BRAT1: variants seen among roughly 807,000 people sequenced by gnomAD.
The protein encoded by BRAT1 is BRCA1 associated ATM activator 1.
Under a neutral mutation model 70.6 loss-of-function variants are expected in BRAT1, and 74 were observed. That is an observed-to-expected ratio of 1.05 (90% confidence interval 0.87 to 1.27). The LOEUF is 1.27. Among genes scored for constraint, BRAT1 ranks in the 50% most tolerant of loss-of-function variants. The pLI is 0.00. For missense variants in BRAT1, 1,203 were observed against 1,098.2 expected (o/e 1.10, Z -1.35); for synonymous variants, 615 against 517.1 (o/e 1.19, Z -2.57).
In BRAT1 at chr7:2,539,262, C is replaced by A; in HGVS notation, c.1687G>T (p.Ala563Ser). 3.1e-6 allele frequency: 5 copies of A among 1,611,820 alleles called. No homozygotes were observed. Among genetic ancestry groups the A allele is most frequent in the Non-Finnish European group, 4.2e-6 (5 of 1,179,968 alleles). ...LLQDPESYVR[A>S]SAVTAMGQLS... ...TGCCCCATGGCGGTCACTGCACTCG[C>A]TCGGACATAACTCTCAGGGTCCTGG... Residue 563 changes from alanine (A) to serine (S), a missense_variant, in exon 13 of 14, where the codon GCG becomes TCG. Coordinates refer to ENST00000340611, the MANE Select transcript of BRAT1 (RefSeq NM_152743.4).
rs142129866 is a variant in BRAT1, at chr7:2,539,547, C to T, written c.1594G>A (p.Gly532Arg). The change falls in exon 12 of 14, where the codon GGA becomes AGA. Residue 532 changes from glycine (G) to arginine (R), a missense_variant. By Grantham distance (125) the Gly-to-Arg change is moderately radical. Transcript: ENST00000340611. ...EFLTQLSRHW[G>R]GQADFRCALL... ...CCCTCCACCTGCCAGCACTCACCTC[C>T]CCAGTGCCTGCTCAGCTGGGTCAGG... 5.1e-4 allele frequency: 790 copies of T among 1,559,722 alleles called. 3 individuals carry two copies. Among genetic ancestry groups the T allele is most frequent in the Non-Finnish European group, 6.6e-4 (756 of 1,151,086 alleles).
intron 6 of BRAT1, 35 bp from the exon 7 acceptor site, chr7:2,542,246 G>A: frequency 1.3e-6 from 2 of 1,516,598 alleles, no homozygotes; most frequent in Non-Finnish European, 1.8e-6. Context: ...CCGCGACCCT[G>A]GCTGCGAGAC....
chr7:2,539,447 C>G lies in BRAT1; in HGVS notation c.1598-96G>C, dbSNP rs547804248. On this transcript the variant is annotated intron_variant, in intron 12 of 13. Coordinates refer to ENST00000340611, the MANE Select transcript of BRAT1 (RefSeq NM_152743.4). Reference sequence around the variant, plus strand: ...TCCCCTTGTGGGCAGCCGACATGGCCCAAGTTTCTAGAGCCAGCAAGAGGC... The same window carrying G: ...TCCCCTTGTGGGCAGCCGACATGGCGCAAGTTTCTAGAGCCAGCAAGAGGC... 4,136 of 1,506,426 alleles carry G rather than the reference C, an allele frequency of 2.7e-3. 5 individuals carry two copies. Among genetic ancestry groups the G allele is most frequent in the Non-Finnish European group, 3.6e-3 (3,993 of 1,119,612 alleles). The allele number at this position is 1,506,426 out of a possible 1,614,324, so 93.3% of individuals were successfully genotyped here. A position where few individuals can be genotyped will look rare whatever the true frequency, so the allele number is the denominator to read the frequency against.
At chr7:2,551,115 C>G (rs555267417) in intron 2 of BRAT1, among the ~76,000 whole-genome samples, 8 of 152,048 alleles carry the variant, frequency 5.3e-5, no homozygotes, top group African/African-American at 1.9e-4. Context: ...TGGCATGCAC[C>G]TTTAATCGCA....
intron 2 of BRAT1, among the ~76,000 whole-genome samples, chr7:2,548,059 C>A (rs1779743197): frequency 6.7e-6 from 1 of 149,552 alleles, no homozygotes; most frequent in African/African-American, 2.5e-5. Context: ...ACACGGCACA[C>A]TCCAGCCCTG....
intron 3 of BRAT1, among the ~76,000 whole-genome samples, chr7:2,547,042 G>A (rs1205161834): frequency 1.1e-5 from 1 of 89,966 alleles, no homozygotes; most frequent in Non-Finnish European, 2.1e-5. Context: ...ATGGAGGCTT[G>A]CGGCCGTGGG....
rs1778799136 is a variant in BRAT1, at chr7:2,537,823, CATT to C, written c.*243_*245del. On this transcript the variant is annotated 3_prime_UTR_variant, in exon 14 of 14. Transcript: ENST00000340611. ...ATGACACTGGACCCTTGTCTCAGATCATTATTATTAAATTAACTCAAAAAGGGT... is the reference window on the plus strand; with the variant it reads ...ATGACACTGGACCCTTGTCTCAGATCATTATTAAATTAACTCAAAAAGGGT... The C allele has an allele frequency of 1.1e-5, 6 of 532,362 alleles. No homozygotes were observed. The highest frequency in any genetic ancestry group is 1.8e-5 in the Non-Finnish European group (6 of 333,900). 33.0% of individuals were successfully genotyped at this position (532,362 alleles called of 1,614,324 possible).
intron 8 of BRAT1, 79 bp from the exon 9 acceptor site, chr7:2,541,563 T>A: frequency 1.4e-6 from 2 of 1,475,128 alleles, no homozygotes; most frequent in African/African-American, 1.4e-5. Flanking sequence ...CTTCGAGGCA[T>A]GTGGGGCGGG....
chr7:2,553,935 C>A (rs1780222670), intron 2 of BRAT1, among the ~76,000 whole-genome samples: 1 of 152,140 alleles, frequency 6.6e-6, no homozygotes, highest in South Asian at 2.1e-4. Context: ...GTATGAGCCA[C>A]TGCATCCGGC....
At chr7:2,544,026 G>A in intron 4 of BRAT1, 64 bp from the exon 5 acceptor site, 1 of 1,045,080 alleles carries the variant, frequency 9.6e-7, no homozygotes, top group South Asian at 1.7e-5. Flanking sequence ...GGGGGAGGCA[G>A]AGGGCCTCAG....
intron 4 of BRAT1, 154 bp from the exon 5 acceptor site, chr7:2,544,116 A>T: frequency 1.8e-6 from 1 of 562,466 alleles, no homozygotes; most frequent in Non-Finnish European, 2.9e-6. Context: ...ACAGGAACTG[A>T]AGCTCCCTGG....
intron 2 of BRAT1, among the ~76,000 whole-genome samples, chr7:2,551,005 CA>C (rs1779963790): frequency 6.6e-6 from 1 of 152,182 alleles, no homozygotes; most frequent in Admixed American, 6.5e-5. Flanking sequence ...TTTGGGAGGC[CA>C]AGGTGGAGGG....
chr7:2,541,773 G>A lies in BRAT1; in HGVS notation c.1079C>T (p.Ser360Phe). ...GGTGCGGCACAGGAGGCCGGCGCAGGACGACTTGGAGGCCAGGAGTGTGTC... is the reference window on the plus strand; with the variant it reads ...GGTGCGGCACAGGAGGCCGGCGCAGAACGACTTGGAGGCCAGGAGTGTGTC... Reference protein sequence around the residue: ...TVDTLLASKSSCAGLLCRTLA... With the variant: ...TVDTLLASKSFCAGLLCRTLA... The change falls in exon 8 of 14, where the codon TCC becomes TTC. Residue 360 changes from serine to phenylalanine, a missense_variant. Transcript: ENST00000340611. 2 of 1,612,576 alleles carry A rather than the reference G, an allele frequency of 1.2e-6. No homozygotes were observed. Among genetic ancestry groups the A allele is most frequent in the Non-Finnish European group, 1.7e-6 (2 of 1,179,850 alleles).
At chr7:2,551,273 C>G (rs1394399513) in intron 2 of BRAT1, among the ~76,000 whole-genome samples, 1 of 148,904 alleles carries the variant, frequency 6.7e-6, no homozygotes, top group Non-Finnish European at 1.5e-5. Context: ...ATATATATAT[C>G]TATATATAGA....
At position 2,545,099 on chromosome 7, in the gene BRAT1, C is replaced by T. The variant is rs760759844; in HGVS notation, c.283-43G>A. On this transcript the variant is annotated intron_variant, in intron 3 of 13. Transcript: ENST00000340611. ...AAGTGAGGGTGGCCAGGCGCAGTGG[C>T]TGAAGCCTGTAATCCCAGCACTTTG... 63 of 1,453,748 alleles carry T rather than the reference C, an allele frequency of 4.3e-5. No individual in the cohort carries two copies. The Middle Eastern group carries it at 1.3e-3, about 30-fold the overall frequency. The allele number at this position is 1,453,748 out of a possible 1,614,324, so 90.1% of individuals were successfully genotyped here. A position where few individuals can be genotyped will look rare whatever the true frequency, so the allele number is the denominator to read the frequency against.
In BRAT1 at chr7:2,543,643, T is replaced by C. The variant is rs764775903; in HGVS notation, c.750A>G (p.Arg250=). The change falls in exon 5 of 14, where the codon AGA becomes AGG. Residue 250 remains arginine (R), a synonymous_variant. Transcript: ENST00000340611. This position sits in a 1 kb window ranked among gnomAD's most constrained non-coding sequence, Gnocchi z 5.5. ...LSPRVACLLE[R]DPIPAAHSFV... is the part of the protein sequence containing the mutation. ...ACGAGTGTGCGGCGGGGATGGGGTC[T>C]CTCTCCAGCAGACAGGCCACGCGGG... is the stretch of plus-strand genomic sequence containing the variant. The C allele has an allele frequency of 3.2e-6, 5 of 1,541,504 alleles. No homozygotes were observed. The South Asian group carries it at 6.2e-5, about 19-fold the overall frequency.
chr7:2,545,496 C>CTTTT (rs71550356), intron 3 of BRAT1, among the ~76,000 whole-genome samples: 2,768 of 129,960 alleles, frequency 0.021, 252 homozygotes, highest in African/African-American at 0.077. Context: ...CTTTCTTCTT[C>CTTTT]TTTTTTTTTT....
chr7:2,550,148 G>C (rs906816705), intron 2 of BRAT1, among the ~76,000 whole-genome samples: 1 of 148,122 alleles, frequency 6.8e-6, no homozygotes, highest in Admixed American at 6.8e-5. Flanking sequence ...GAGTGACAGA[G>C]TGAGACCCTG....
rs746938000 is a variant in BRAT1, at chr7:2,541,308, T to C, written c.1311A>G (p.Ser437=). The C allele has an allele frequency of 2.5e-6, 4 of 1,592,104 alleles. No individual in the cohort carries two copies. In the Admixed American group the frequency reaches 6.8e-5, roughly 27 times the overall value. ...ACAGAACACACTCACCTGTCCCCTG[T>C]GACAGCGTCCCCAGGAAGTCGAGGG... ...RAALDFLGTL[S]QGTGPQELVT... is the part of the protein sequence containing the mutation. Residue 437 remains serine (S), a synonymous_variant, in exon 9 of 14, where the codon TCA becomes TCG. Transcript: ENST00000340611.
Sources: allele counts gnomAD v4.1 joint callset (sites outside exome capture counted in the v4.1 genomes callset), GRCh38; gene constraint gnomAD v4.1.1; non-coding constraint Gnocchi (gnomAD v3.1); transcripts MANE v1.5; gene names NCBI Gene and HGNC (gene_info 2026-07-23, HGNC 2026-07-21).